CHD1L: variants seen among roughly 807,000 people sequenced by gnomAD.
CHD1L encodes the protein chromodomain helicase DNA binding protein 1 like, also known as ATP-dependent chromatin remodeler CHD1L.
In CHD1L, 118 loss-of-function variants were observed where a neutral mutation model predicts 115.9. The ratio of observed to expected loss-of-function variants is 1.02; its 90% CI spans 0.88 to 1.19. CHD1L has a LOEUF of 1.19. Among genes scored for constraint, CHD1L ranks in the 50% most tolerant of loss-of-function variants. The probability of loss-of-function intolerance (pLI) is 0.00; values close to 1 mark genes in which losing one functional copy is unlikely to be tolerated. For missense variants in CHD1L, 1,179 were observed against 1,065.3 expected, an observed-to-expected ratio of 1.11 and a Z score of -1.49; for synonymous variants, 411 against 387.1, an observed-to-expected ratio of 1.06 and a Z score of -0.72.
At chr1:147,190,413 A>C in the CHD1L span, among the ~76,000 whole-genome samples, 908 of 152,262 alleles carry the variant, frequency 6.0e-3, 4 homozygotes, top group Middle Eastern at 0.01. Context: ...CCACAATATA[A>C]TATTAACATC....
the CHD1L span, chr1:147,186,602 C>T: frequency 1.4e-5 from 15 of 1,100,684 alleles, no homozygotes; most frequent in Non-Finnish European, 1.7e-5. Flanking sequence ...TTATTAAGCA[C>T]CTACCACATG....
chr1:147,235,051 G>A, the CHD1L span, among the ~76,000 whole-genome samples: 1 of 151,822 alleles, frequency 6.6e-6, no homozygotes, highest in Non-Finnish European at 1.5e-5. Flanking sequence ...ATCTATCAAA[G>A]CTGGTTAGAG....
the CHD1L span, among the ~76,000 whole-genome samples, chr1:147,230,771 T>C: frequency 6.6e-6 from 1 of 150,988 alleles, no homozygotes; most frequent in Non-Finnish European, 1.5e-5. Flanking sequence ...TATCCATTTC[T>C]TCTAGATTTT....
the CHD1L span, among the ~76,000 whole-genome samples, chr1:147,226,661 C>G: frequency 1.3e-5 from 2 of 152,040 alleles, no homozygotes; most frequent in Non-Finnish European, 2.9e-5. Flanking sequence ...TGCCTTGGAT[C>G]CTTGCTCTCC....
At chr1:147,232,924 A>G in the CHD1L span, among the ~76,000 whole-genome samples, 87,786 of 151,972 alleles carry the variant, frequency 0.58, 26,955 homozygotes, top group East Asian at 0.87. Flanking sequence ...CCGCCACCCC[A>G]TCTGGGAAGT....
the CHD1L span, among the ~76,000 whole-genome samples, chr1:147,233,672 A>G: frequency 2.0e-5 from 3 of 152,286 alleles, no homozygotes; most frequent in Middle Eastern, 3.4e-3. Flanking sequence ...GGTGGGGAAA[A>G]GATTGAGAAA....
chr1:147,253,338 G>A (rs1463262225), intron 2 of CHD1L, among the ~76,000 whole-genome samples: 27 of 152,286 alleles, frequency 1.8e-4, no homozygotes, highest in African/African-American at 6.5e-4. Context: ...TAGACTGAAT[G>A]GTTTTAATTC....
the CHD1L span, chr1:147,174,449 A>G: frequency 3.9e-5 from 6 of 152,234 alleles, no homozygotes; most frequent in Non-Finnish European, 7.3e-5. Context: ...AGCAGAAACA[A>G]AGTACGTTAA....
intron 14 of CHD1L, among the ~76,000 whole-genome samples, chr1:147,276,963 A>G (rs1049193826): frequency 1.3e-5 from 2 of 152,220 alleles, no homozygotes; most frequent in African/African-American, 2.4e-5. Flanking sequence ...TGTCAAGGGC[A>G]GCATCAGTGG....
intron 14 of CHD1L, among the ~76,000 whole-genome samples, chr1:147,277,277 G>T (rs1678872908): frequency 6.6e-6 from 1 of 152,140 alleles, no homozygotes; most frequent in African/African-American, 2.4e-5. Context: ...ACTAGGATTG[G>T]AAAGGACTAG....
chr1:147,286,439 T>G lies in CHD1L; in HGVS notation c.2160T>G (p.Val720=), dbSNP rs782194378. ...QDPDATSLKY[V]SGDVTHPQAG... ...CAGATGCTACTTCCCTCAAGTACGT[T>G]AGTGGTGATGTCACCCACCCTCAGG... Residue 720 remains valine, a synonymous_variant, in exon 18 of 23, where the codon GTT becomes GTG. Transcript: ENST00000369258. The G allele has an allele frequency of 5.6e-6, 9 of 1,614,146 alleles. No individual in the cohort carries two copies. The highest frequency in any genetic ancestry group is 7.6e-6 in the Non-Finnish European group (9 of 1,180,034).
chr1:147,271,081 A>T (rs1676027461), intron 11 of CHD1L, 76 bp downstream of exon 11: 1 of 1,200,974 alleles, frequency 8.3e-7, no homozygotes, highest in Non-Finnish European at 1.2e-6. Context: ...GAAGAATAAT[A>T]TGGGATATGA....
At chr1:147,252,833 T>C (rs1668858074) in intron 2 of CHD1L, 98 bp downstream of exon 2, 4 of 990,124 alleles carry the variant, frequency 4.0e-6, no homozygotes, top group Non-Finnish European at 6.1e-6. Context: ...CAAAGCTCAG[T>C]TTCACAAATG....
rs1347175532 is a variant in CHD1L, at chr1:147,284,375, GTAAAGATTATTC to G, written c.1737_1748del (p.Asp579_Lys582del). ...GAAAATCATATGTACTTATTTGAAGGTAAAGATTATTCTAAAGAGCCCAGTAAGGAAGACAGA... is the reference window on the plus strand; with the variant it reads ...GAAAATCATATGTACTTATTTGAAGGTAAAGAGCCCAGTAAGGAAGACAGA... On this transcript the variant is annotated inframe_deletion, in exon 16 of 23. Transcript: ENST00000369258. 6.3e-7 allele frequency: 1 copy of G among 1,585,998 alleles called. No individual in the cohort carries two copies. Among genetic ancestry groups the G allele is most frequent in the Non-Finnish European group, 8.6e-7 (1 of 1,165,890 alleles).
At chr1:147,247,488 C>T (rs1666989134) in intron 1 of CHD1L, among the ~76,000 whole-genome samples, 1 of 152,186 alleles carries the variant, frequency 6.6e-6, no homozygotes, top group Non-Finnish European at 1.5e-5. Flanking sequence ...GATCTCTGTA[C>T]ATGCCACCCC....
intron 7 of CHD1L, among the ~76,000 whole-genome samples, chr1:147,265,249 C>T (rs1367332628): frequency 2.0e-5 from 3 of 152,092 alleles, no homozygotes; most frequent in Admixed American, 6.6e-5. Context: ...GATCACCTGG[C>T]GAACCTGCTC....
the CHD1L span, among the ~76,000 whole-genome samples, chr1:147,234,019 T>G: frequency 3.3e-5 from 5 of 152,200 alleles, no homozygotes; most frequent in Admixed American, 1.3e-4. Flanking sequence ...GTTTATCTGC[T>G]GACCTTCCCT....
the CHD1L span, chr1:147,174,700 C>G: frequency 1.3e-5 from 2 of 151,198 alleles, no homozygotes; most frequent in African/African-American, 4.9e-5. Flanking sequence ...GTCCCAAATT[C>G]CTTTTTTTTT....
At chr1:147,289,460 A>G (rs942085209) in intron 19 of CHD1L, among the ~76,000 whole-genome samples, 4 of 152,162 alleles carry the variant, frequency 2.6e-5, no homozygotes, top group Non-Finnish European at 5.9e-5. Flanking sequence ...AAGGCCATGG[A>G]TTTTGACCCA....
Sources: gnomAD v4.1 joint callset for allele counts (sites outside exome capture counted in the v4.1 genomes callset) on GRCh38, gnomAD v4.1.1 for gene constraint, MANE v1.5 for transcripts, NCBI Gene and HGNC (gene_info 2026-07-23, HGNC 2026-07-21) for gene names.